INPP5K: variants seen among roughly 807,000 people sequenced by gnomAD.
The protein encoded by INPP5K is inositol polyphosphate-5-phosphatase K, also known as inositol polyphosphate 5-phosphatase K.
A neutral mutation model predicts 53.5 loss-of-function variants in INPP5K; 35 were observed. That is an observed-to-expected ratio of 0.65 (90% CI 0.50 to 0.87). The LOEUF (loss-of-function observed/expected upper bound fraction) is 0.87, where lower values mean the gene tolerates loss of function less well. Among genes scored for constraint, INPP5K ranks in the 40% least tolerant of loss-of-function variants. The probability of loss-of-function intolerance (pLI) is 0.00; values close to 1 mark genes in which losing one functional copy is unlikely to be tolerated. For missense variants in INPP5K, 550 were observed against 586.2 expected (o/e 0.94, Z 0.64); for synonymous variants, 253 against 232.8 (o/e 1.09, Z -0.79).
rs572970822 is a variant in INPP5K at position 1,516,428 on chromosome 17, C to T, written c.44+28G>A. 3.2e-6 allele frequency: 5 copies of T among 1,585,404 alleles called. No homozygotes were observed. In the Admixed American group the frequency reaches 8.5e-5, roughly 27 times the overall value. Reference sequence around the variant, plus strand: ...AGGGGCGCCGATCCCCCCGAGCAGGCCTGCCTCTGCCGCCAGGGTGCCCTC... The same window carrying T: ...AGGGGCGCCGATCCCCCCGAGCAGGTCTGCCTCTGCCGCCAGGGTGCCCTC... On this transcript the variant is annotated intron_variant, in intron 1 of 11. Transcript: ENST00000421807.
chr17:1,511,471 G>C (rs577261495), intron 3 of INPP5K, among the ~76,000 whole-genome samples: 2 of 152,196 alleles, frequency 1.3e-5, no homozygotes, highest in Non-Finnish European at 2.9e-5. Context: ...ATCCCCGGGT[G>C]GGGAGCGTGT....
intron 1 of INPP5K, chr17:1,515,672 G>A (rs1176245791): frequency 2.2e-6 from 2 of 894,232 alleles, no homozygotes; most frequent in East Asian, 1.2e-4. Flanking sequence ...GTCCTTAGAG[G>A]TCGACGTTCT....
At position 1,498,116 on chromosome 17, in the gene INPP5K, T is replaced by C. The variant is rs907902308; in HGVS notation, c.783A>G (p.Lys261=). 6.2e-7 allele frequency: 1 copy of C among 1,600,056 alleles called. No individual in the cohort carries two copies. The highest frequency in any genetic ancestry group is 8.5e-7 in the Non-Finnish European group (1 of 1,169,962). Residue 261 remains lysine (K), a synonymous_variant, in exon 8 of 12, where the codon AAA becomes AAG. Transcript: ENST00000421807. Reference sequence around the variant, plus strand: ...GATCGGTCCATGCAGGCTTGCGTTTTTTCTCACTGCAGGGGCAGGGGGCAT... The same window carrying C: ...GATCGGTCCATGCAGGCTTGCGTTTCTTCTCACTGCAGGGGCAGGGGGCAT... The part of the protein sequence containing the change: ...RNSNDYDTSE[K]KRKPAWTDRI...
intron 7 of INPP5K, among the ~76,000 whole-genome samples, chr17:1,502,284 G>A (rs1318052020): frequency 6.6e-6 from 1 of 152,224 alleles, no homozygotes; most frequent in Non-Finnish European, 1.5e-5. Flanking sequence ...GGGAGACAGA[G>A]CTTGTAGTGA....
intron 7 of INPP5K, among the ~76,000 whole-genome samples, chr17:1,499,003 A>T (rs960472236): frequency 1.3e-5 from 2 of 152,234 alleles, no homozygotes. Flanking sequence ...ATTCAGGGCC[A>T]GCCAGCATGA....
At chr17:1,511,839 C>A (rs1025515487) in intron 3 of INPP5K, among the ~76,000 whole-genome samples, 1 of 129,264 alleles carries the variant, frequency 7.7e-6, no homozygotes, top group African/African-American at 2.9e-5. Context: ...GACACTGGCT[C>A]GCTTTGTGAA....
At chr17:1,504,169 A>G (rs2075101585) in intron 7 of INPP5K, among the ~76,000 whole-genome samples, 1 of 152,192 alleles carries the variant, frequency 6.6e-6, no homozygotes, top group African/African-American at 2.4e-5. Flanking sequence ...TGCTACTCCC[A>G]GGGATGGTCC....
chr17:1,506,954 C>T (rs1338175306), intron 7 of INPP5K, 26 bp downstream of exon 7: 5 of 1,534,446 alleles, frequency 3.3e-6, no homozygotes, highest in Non-Finnish European at 4.5e-6. Context: ...CTTCCTAGAC[C>T]TTCTGGCCCC....
chr17:1,496,601 G>A (rs1176760543), intron 9 of INPP5K, 65 bp downstream of exon 9: 1 of 1,593,590 alleles, frequency 6.3e-7, no homozygotes, highest in African/African-American at 1.3e-5. Context: ...CAGCTCCCAG[G>A]AGCCCTCGGG....
At chr17:1,504,739 C>T (rs1040029908) in intron 7 of INPP5K, among the ~76,000 whole-genome samples, 3 of 152,240 alleles carry the variant, frequency 2.0e-5, no homozygotes, top group Admixed American at 6.5e-5. Flanking sequence ...CCTTGGCGCA[C>T]ACCTGCACGC....
chr17:1,509,381 G>A (rs199716162), intron 4 of INPP5K, 28 bp from the exon 5 acceptor site: 4 of 1,601,420 alleles, frequency 2.5e-6, no homozygotes, highest in African/African-American at 2.7e-5. Flanking sequence ...CAGAAGAGTG[G>A]GAAGCTACTC....
At chr17:1,501,882 CA>C (rs1444003273) in intron 7 of INPP5K, among the ~76,000 whole-genome samples, 1 of 149,992 alleles carries the variant, frequency 6.7e-6, no homozygotes, top group Non-Finnish European at 1.5e-5. Flanking sequence ...CACACACACA[CA>C]AATTTGCCAG....
chr17:1,513,756 C>T (rs1002645758), intron 2 of INPP5K, 116 bp downstream of exon 2: 4 of 922,954 alleles, frequency 4.3e-6, no homozygotes, highest in Non-Finnish European at 6.7e-6. Flanking sequence ...GTCCCTGAAG[C>T]AGGCTGAAAG....
intron 7 of INPP5K, among the ~76,000 whole-genome samples, chr17:1,500,532 CT>C (rs1209805605): frequency 5.9e-5 from 9 of 151,940 alleles, no homozygotes; most frequent in African/African-American, 2.2e-4. Context: ...GCCTGGCTAA[CT>C]TTTTTGTATT....
chr17:1,502,875 T>A (rs2075060032), intron 7 of INPP5K, among the ~76,000 whole-genome samples: 1 of 150,506 alleles, frequency 6.6e-6, no homozygotes, highest in Non-Finnish European at 1.5e-5. Context: ...ACTTCAGGGG[T>A]ACACACCATG....
rs1471116995 is a variant in INPP5K, at chr17:1,507,069, A to G, written c.687T>C (p.His229=). Residue 229 remains histidine (H), a synonymous_variant, in exon 7 of 12, where the codon CAT becomes CAC. Coordinates refer to ENST00000421807, the MANE Select transcript of INPP5K (RefSeq NM_016532.4). ...CCTGGAACTCCCGGAGCAGCGGGTC[A>G]TGTTTCTTGGCAATGCTGAGCTGCA... ...EKDQLSIAKK[H]DPLLREFQEG... 6.2e-7 allele frequency: 1 copy of G among 1,613,972 alleles called. No individual in the cohort carries two copies.
chr17:1,511,856 G>A (rs867826040), intron 3 of INPP5K, among the ~76,000 whole-genome samples: 27 of 149,078 alleles, frequency 1.8e-4, no homozygotes, highest in African/African-American at 6.7e-4. Context: ...TGAAGGAGCA[G>A]CAGGGAAGTG....
At position 1,498,106 on chromosome 17, in the gene INPP5K, G is replaced by T; in HGVS notation, c.793C>A (p.Pro265Thr). Residue 265 changes from proline (P) to threonine (T), a missense_variant, in exon 8 of 12, where the codon CCT becomes ACT. Coordinates refer to ENST00000421807, the MANE Select transcript of INPP5K (RefSeq NM_016532.4). ...CACAGGATGCGATCGGTCCATGCAG[G>T]CTTGCGTTTTTTCTCACTGCAGGGG... ...DYDTSEKKRKPAWTDRILWRL... is the reference protein window; with the variant it reads ...DYDTSEKKRKTAWTDRILWRL... 1 of 1,604,122 alleles carries T rather than the reference G, an allele frequency of 6.2e-7. No homozygotes were observed.
chr17:1,496,296 T>TGTACCTGGTGCTGGTGAC (rs1175816056), intron 10 of INPP5K, 23 bp downstream of exon 10: 4 of 1,551,690 alleles, frequency 2.6e-6, no homozygotes, highest in East Asian at 2.4e-5. Context: ...CTGCTGGTGA[T>TGTACCTGGTGCTGGTGAC]GTACCTGGTG....
Sources: allele counts gnomAD v4.1 joint callset (sites outside exome capture counted in the v4.1 genomes callset), GRCh38; gene constraint gnomAD v4.1.1; transcripts MANE v1.5; gene names NCBI Gene and HGNC (gene_info 2026-07-23, HGNC 2026-07-21).